CBLN2: variants seen among roughly 807,000 people sequenced by gnomAD.
The protein encoded by CBLN2 is cerebellin 2 precursor.
In CBLN2, 7 loss-of-function variants were observed where a neutral mutation model predicts 15.0. The observed-to-expected ratio is 0.47, with a 90% CI of 0.27 to 0.88. The LOEUF (loss-of-function observed/expected upper bound fraction) is 0.88. Ranked by LOEUF, CBLN2 falls within the 40% of genes least tolerant of loss-of-function variation. The probability of loss-of-function intolerance (pLI) is 0.14; values close to 1 mark genes in which losing one functional copy is unlikely to be tolerated. For synonymous variants in CBLN2, 149 were observed against 135.2 expected (o/e 1.10, Z -0.71); for missense variants, 242 against 304.5 (o/e 0.79, Z 1.53).
At chr18:72,625,045 T>C (rs945664744) in intron 1 of CBLN2, 2 of 152,154 alleles carry the variant, frequency 1.3e-5, no homozygotes, top group Non-Finnish European at 1.5e-5. Context: ...GTGAAGGTGC[T>C]TTAGGGAGCC....
chr18:72,607,025 A>T (rs771725475), intron 1 of CBLN2, among the ~76,000 whole-genome samples: 2 of 152,212 alleles, frequency 1.3e-5, no homozygotes, highest in Non-Finnish European at 2.9e-5. Context: ...CAGAGGTCAT[A>T]GGTTAAAATG....
chr18:72,546,330 G>A (rs994753699), upstream of CBLN2, among the ~76,000 whole-genome samples: 4 of 151,940 alleles, frequency 2.6e-5, no homozygotes, highest in Non-Finnish European at 4.4e-5. Context: ...CCAGCTACTC[G>A]GGAGGCTGAG....
chr18:72,633,390 G>C (rs10782054), intron 1 of CBLN2, among the ~76,000 whole-genome samples: 98,092 of 151,986 alleles, frequency 0.65, 31,845 homozygotes, highest in East Asian at 0.71. Flanking sequence ...ACTTTCCCAA[G>C]ACACGGCTAC....
At chr18:72,619,710 G>C (rs2069687026) in intron 1 of CBLN2, among the ~76,000 whole-genome samples, 1 of 151,974 alleles carries the variant, frequency 6.6e-6, no homozygotes, top group South Asian at 2.1e-4. Flanking sequence ...AAGAGCTAAG[G>C]GTCATTATGA....
intron 1 of CBLN2, among the ~76,000 whole-genome samples, chr18:72,555,521 GGCAAAACA>G (rs1301786572): frequency 6.6e-6 from 1 of 151,924 alleles, no homozygotes; most frequent in African/African-American, 2.4e-5. Flanking sequence ...TGAAAGTAAT[GGCAAAACA>G]GCAATTACTT....
rs72971272 is a variant in CBLN2 at position 72,621,624 on chromosome 18, A to C, written c.15+16701T>G. Among the ~76,000 whole-genome samples the C allele has an allele frequency of 4.2e-3, 634 of 152,328 alleles. 3 individuals are homozygous for C. The highest frequency in any genetic ancestry group is 6.3e-3 in the Non-Finnish European group (430 of 68,024). ...CTTGCACTTTTTAGCCTTCTAAGTA[A>C]GAAATTAACCACAGCCATTTTAAGT... On this transcript the variant is annotated intron_variant, in intron 1 of 2. Coordinates refer to the CBLN2 transcript ENST00000581073.
intron 1 of CBLN2, among the ~76,000 whole-genome samples, chr18:72,583,763 T>C (rs1450165399): frequency 1.3e-5 from 2 of 152,282 alleles, no homozygotes; most frequent in East Asian, 3.9e-4. Context: ...CTCTGCAAAA[T>C]ACTTTGTGCA....
chr18:72,578,405 C>T (rs866700341), intron 1 of CBLN2, among the ~76,000 whole-genome samples: 3 of 152,120 alleles, frequency 2.0e-5, no homozygotes, highest in Non-Finnish European at 4.4e-5. Flanking sequence ...GGAGACACCA[C>T]CACCGCAGAA....
At chr18:72,591,567 C>T (rs1337046665) in intron 1 of CBLN2, among the ~76,000 whole-genome samples, 2 of 152,084 alleles carry the variant, frequency 1.3e-5, no homozygotes, top group Non-Finnish European at 2.9e-5. Flanking sequence ...GTAGTCACCC[C>T]ATTGTGCTAT....
intron 1 of CBLN2, among the ~76,000 whole-genome samples, chr18:72,612,349 C>T (rs1020067549): frequency 6.6e-6 from 1 of 152,062 alleles, no homozygotes; most frequent in Non-Finnish European, 1.5e-5. Flanking sequence ...TGTGTATGTG[C>T]CTGTGTGTGT....
upstream of CBLN2, among the ~76,000 whole-genome samples, chr18:72,547,143 C>T (rs1230243656): frequency 1.7e-5 from 2 of 119,016 alleles, no homozygotes; most frequent in African/African-American, 2.8e-5. Context: ...CACACACACA[C>T]ACACAATTGG....
chr18:72,588,331 A>C (rs1443315536), intron 1 of CBLN2, among the ~76,000 whole-genome samples: 5 of 152,232 alleles, frequency 3.3e-5, no homozygotes, highest in African/African-American at 1.2e-4. Flanking sequence ...AAATGTTTTG[A>C]ATGAACCTCT....
At chr18:72,597,334 A>G (rs2069519683) in intron 1 of CBLN2, among the ~76,000 whole-genome samples, 1 of 152,144 alleles carries the variant, frequency 6.6e-6, no homozygotes, top group Non-Finnish European at 1.5e-5. Flanking sequence ...ATTCTCAAGA[A>G]TTTCTTAAAT....
intron 1 of CBLN2, among the ~76,000 whole-genome samples, chr18:72,620,884 T>A (rs569422157): frequency 1.3e-5 from 2 of 152,262 alleles, no homozygotes; most frequent in African/African-American, 2.4e-5. Context: ...CATAAACGTG[T>A]TTTTTCACAT....
chr18:72,566,708 G>C (rs1035021536), intron 1 of CBLN2, among the ~76,000 whole-genome samples: 2 of 152,144 alleles, frequency 1.3e-5, no homozygotes, highest in African/African-American at 2.4e-5. Context: ...CAGTTAGATA[G>C]GAAGAATACG....
At chr18:72,605,044 C>T (rs2069574274) in intron 1 of CBLN2, among the ~76,000 whole-genome samples, 1 of 152,174 alleles carries the variant, frequency 6.6e-6, no homozygotes, top group Non-Finnish European at 1.5e-5. Context: ...AAATGTCCCT[C>T]CATTTTGTAT....
chr18:72,610,789 C>G (rs1285152451), intron 1 of CBLN2, among the ~76,000 whole-genome samples: 1 of 152,038 alleles, frequency 6.6e-6, no homozygotes, highest in Admixed American at 6.6e-5. Context: ...GGTACATGTG[C>G]AGGTTTGTTA....
At chr18:72,567,726 A>C (rs1441046427) in intron 1 of CBLN2, among the ~76,000 whole-genome samples, 1 of 151,964 alleles carries the variant, frequency 6.6e-6, no homozygotes, top group Non-Finnish European at 1.5e-5. Flanking sequence ...TACTCTCCGA[A>C]CTCCAAAATT....
At chr18:72,606,312 C>A (rs1488690445) in intron 1 of CBLN2, among the ~76,000 whole-genome samples, 3 of 152,152 alleles carry the variant, frequency 2.0e-5, no homozygotes, top group Non-Finnish European at 4.4e-5. Context: ...ATTTTCTTTT[C>A]CACTAATGTA....
Sources: allele counts gnomAD v4.1 joint callset (sites outside exome capture counted in the v4.1 genomes callset), GRCh38; gene constraint gnomAD v4.1.1; transcripts MANE v1.5; gene names NCBI Gene and HGNC (gene_info 2026-07-23, HGNC 2026-07-21).